Variants in SEC13 observed in about 807,000 individuals in gnomAD.
The protein encoded by SEC13 is protein SEC13 homolog.
A neutral mutation model predicts 49.2 loss-of-function variants in SEC13; 25 were observed. The observed-to-expected ratio is 0.51, with a 90% CI of 0.37 to 0.71. The LOEUF (loss-of-function observed/expected upper bound fraction) is 0.71. Ranked by LOEUF, SEC13 falls within the 30% of genes least tolerant of loss-of-function variation. The probability of loss-of-function intolerance (pLI) is 0.00; values close to 1 mark genes in which losing one functional copy is unlikely to be tolerated. For synonymous variants in SEC13, 148 were observed against 163.9 expected (o/e 0.90, Z 0.74); for missense variants, 383 against 417.6 (o/e 0.92, Z 0.72).
intron 5 of SEC13, among the ~76,000 whole-genome samples, chr3:10,309,110 G>C (rs1054894833): frequency 6.6e-6 from 1 of 151,380 alleles, no homozygotes; most frequent in African/African-American, 2.4e-5. Flanking sequence ...GCTAATTTTT[G>C]TATTTTTAGT....
At chr3:10,315,213 T>C (rs1404840454) in intron 3 of SEC13, 108 bp downstream of exon 3, 1 of 779,136 alleles carries the variant, frequency 1.3e-6, no homozygotes, top group Non-Finnish European at 2.2e-6. Context: ...TAAATGTGCT[T>C]TGGGGTTGCT....
chr3:10,311,065 CCTGTGTGGAGT>C (rs1489713981), intron 5 of SEC13, among the ~76,000 whole-genome samples: 2 of 151,938 alleles, frequency 1.3e-5, no homozygotes, highest in East Asian at 3.8e-4. Flanking sequence ...GGGGCCCCTG[CCTGTGTGGAGT>C]CTGTGTGTTC....
At chr3:10,319,183 A>T (rs1317854133) in intron 1 of SEC13, 2 of 1,613,810 alleles carry the variant, frequency 1.2e-6, no homozygotes, top group Non-Finnish European at 1.7e-6. Context: ...CTGTAGGTAT[A>T]AAGTTTGACT....
At chr3:10,315,758 C>T (rs544725748) in intron 2 of SEC13, among the ~76,000 whole-genome samples, 3 of 152,282 alleles carry the variant, frequency 2.0e-5, no homozygotes, top group Non-Finnish European at 2.9e-5. Flanking sequence ...CCCTCTTCTT[C>T]CTCCATCCTC....
rs772612269 is a variant in SEC13, at chr3:10,312,640, G to C, written c.255C>G (p.Ile85Met). The change falls in exon 4 of 9, where the codon ATC becomes ATG. Residue 85 changes from isoleucine to methionine, a missense_variant. By Grantham distance (10) the Ile-to-Met change is conservative. Coordinates refer to ENST00000350697, the MANE Select transcript of SEC13 (RefSeq NM_183352.3). ...CCCAGGTGCCGTTTTCCTCTCTCCA[G>C]ATAATGACTTTCCGGTCATAGGAGC... ...ASCSYDRKVI[I>M]WREENGTWEK... The C allele has an allele frequency of 6.2e-7, 1 of 1,614,178 alleles. No individual in the cohort carries two copies. The highest frequency in any genetic ancestry group is 1.1e-5 in the South Asian group (1 of 91,082).
At chr3:10,320,831 C>A (rs2059764065) in intron 1 of SEC13, 2 of 1,320,860 alleles carry the variant, frequency 1.5e-6, no homozygotes, top group Non-Finnish European at 1.9e-6. Context: ...GACGCAGGAG[C>A]GGCGCGCCCC....
At chr3:10,317,453 G>A (rs567384969) in intron 2 of SEC13, among the ~76,000 whole-genome samples, 18 of 152,228 alleles carry the variant, frequency 1.2e-4, no homozygotes, top group South Asian at 8.3e-4. Flanking sequence ...TTTTTCCTGC[G>A]GTAGACTTTA....
chr3:10,319,640 C>G (rs1404179418), intron 1 of SEC13, among the ~76,000 whole-genome samples: 1 of 151,856 alleles, frequency 6.6e-6, no homozygotes, highest in Non-Finnish European at 1.5e-5. Context: ...TAAGTAGGTT[C>G]ACGAAGAAAG....
At chr3:10,309,677 T>C (rs867954409) in intron 5 of SEC13, among the ~76,000 whole-genome samples, 5 of 152,278 alleles carry the variant, frequency 3.3e-5, no homozygotes, top group African/African-American at 1.2e-4. Context: ...GGCTCGGTTA[T>C]GTGGGCATGT....
Position 10,305,618 on chromosome 3 carries a change from T to C in SEC13, c.525A>G (p.Lys175=). The C allele has an allele frequency of 6.2e-7, 1 of 1,614,124 alleles. No homozygotes were observed. Among genetic ancestry groups the C allele is most frequent in the Non-Finnish European group, 8.5e-7 (1 of 1,180,014 alleles). Residue 175 remains lysine (K), a synonymous_variant, in exon 6 of 9, where the codon AAA becomes AAG. Transcript: ENST00000350697. ...ATGCAAACCTCTTGATGTAATTGGGTTTCTGCCCCGATGGGTGGTCTATGA... is the reference window on the plus strand; with the variant it reads ...ATGCAAACCTCTTGATGTAATTGGGCTTCTGCCCCGATGGGTGGTCTATGA... ...GSLIDHPSGQ[K]PNYIKRFASG... is the part of the protein sequence containing the mutation.
chr3:10,311,725 G>C, intron 5 of SEC13: 1 of 1,380,752 alleles, frequency 7.2e-7, no homozygotes, highest in Non-Finnish European at 9.4e-7. Flanking sequence ...GCAGGCTGCT[G>C]CTGCACCAGC....
chr3:10,313,565 G>C (rs1701419539), intron 3 of SEC13: 2 of 335,180 alleles, frequency 6.0e-6, no homozygotes, highest in South Asian at 4.7e-5. Context: ...CTTCACCGTG[G>C]GCTGCACACA....
intron 8 of SEC13, among the ~76,000 whole-genome samples, chr3:10,303,153 A>G (rs1700647661): frequency 6.6e-6 from 1 of 152,334 alleles, no homozygotes; most frequent in Admixed American, 6.5e-5. Flanking sequence ...AGCCACACAA[A>G]TGAAAGGTAA....
intron 1 of SEC13, among the ~76,000 whole-genome samples, chr3:10,320,221 C>T (rs563042163): frequency 4.1e-4 from 63 of 152,306 alleles, no homozygotes; most frequent in Admixed American, 3.1e-3. Context: ...TTACACCTAA[C>T]CCTCTGCAGA....
intron 8 of SEC13, among the ~76,000 whole-genome samples, chr3:10,302,418 G>A (rs1700593362): frequency 6.6e-6 from 1 of 152,220 alleles, no homozygotes; most frequent in South Asian, 2.1e-4. Context: ...AGGGTGCTAT[G>A]GAGACAGCGA....
chr3:10,306,764 T>C (rs185311720), intron 5 of SEC13, among the ~76,000 whole-genome samples: 23 of 151,704 alleles, frequency 1.5e-4, no homozygotes, highest in African/African-American at 5.3e-4. Context: ...AAAATGGGAG[T>C]TTTTCTGCAC....
intron 5 of SEC13, among the ~76,000 whole-genome samples, chr3:10,309,902 CCTGT>C (rs1701143918): frequency 6.6e-6 from 1 of 152,170 alleles, no homozygotes; most frequent in Non-Finnish European, 1.5e-5. Flanking sequence ...TTCAGGAGTT[CCTGT>C]CTTTGTTCCT....
intron 4 of SEC13, 121 bp from the exon 5 acceptor site, chr3:10,312,219 G>C: frequency 6.9e-7 from 1 of 1,438,858 alleles, no homozygotes; most frequent in Non-Finnish European, 9.1e-7. Flanking sequence ...GTCACCGGGG[G>C]AAGCTGTAAC....
Position 10,304,992 on chromosome 3 carries a change from C to G in SEC13, c.708+41G>C, listed in dbSNP as rs576018895. 1.8e-5 allele frequency: 29 copies of G among 1,612,990 alleles called. No individual in the cohort carries two copies. In the Admixed American group the frequency reaches 4.3e-4, roughly 24 times the overall value. On this transcript the variant is annotated intron_variant, in intron 7 of 8. Transcript: ENST00000350697. Reference sequence around the variant, plus strand: ...AGACTAAGAGCTGATGGGCCTGACTCGAGACTAAATGACAAGGGATACTCA... The same window carrying G: ...AGACTAAGAGCTGATGGGCCTGACTGGAGACTAAATGACAAGGGATACTCA...
Sources: gnomAD v4.1 joint callset for allele counts (sites outside exome capture counted in the v4.1 genomes callset) on GRCh38, gnomAD v4.1.1 for gene constraint, MANE v1.5 for transcripts, NCBI Gene and HGNC (gene_info 2026-07-23, HGNC 2026-07-21) for gene names.